The following DIP2C variants were observed in gnomAD, a reference collection of about 807,000 sequenced individuals.
DIP2C encodes the protein DIP2 acetate--CoA ligase C (putative).
DIP2C carries 33 observed loss-of-function variants against 192.4 expected under a neutral mutation model. The observed-to-expected ratio is 0.17, with a 90% CI of 0.13 to 0.23. The LOEUF is 0.23. DIP2C is among the 10% of genes least tolerant of loss of function. The pLI, the probability that DIP2C is intolerant of heterozygous loss-of-function variation, is 1.00. For synonymous variants in DIP2C, 979 were observed against 864.1 expected (o/e 1.13, Z -2.33); for missense variants, 1,537 against 2,110.1 (o/e 0.73, Z 5.32).
intron 1 of DIP2C, among the ~76,000 whole-genome samples, chr10:578,805 G>A (rs1054749644): frequency 2.8e-5 from 4 of 141,354 alleles, no homozygotes; most frequent in African/African-American, 6.3e-5. Flanking sequence ...ACTATAACAT[G>A]TGTGCATGCA....
chr10:409,309 T>C (rs1168246776), intron 8 of DIP2C, among the ~76,000 whole-genome samples: 1 of 141,154 alleles, frequency 7.1e-6, no homozygotes, highest in Admixed American at 7.2e-5. Flanking sequence ...GATGTGGGGG[T>C]GGCGAGGGGG....
chr10:409,454 G>A (rs754639864), intron 8 of DIP2C, among the ~76,000 whole-genome samples: 1 of 152,176 alleles, frequency 6.6e-6, no homozygotes, highest in Non-Finnish European at 1.5e-5. Context: ...AGTCCCTGGA[G>A]TCAAGAGGAG....
At chr10:518,771 A>G (rs1018374250) in intron 1 of DIP2C, among the ~76,000 whole-genome samples, 7 of 152,230 alleles carry the variant, frequency 4.6e-5, no homozygotes, top group African/African-American at 1.4e-4. Flanking sequence ...ACCGTCCTAC[A>G]GAGATGGCTA....
In DIP2C at chr10:527,785, A is replaced by G. The variant is rs939166169; in HGVS notation, c.86-41255T>C. 9.2e-5 allele frequency among the ~76,000 whole-genome samples: 14 copies of G among 152,226 alleles called. No homozygotes were observed. In the East Asian group the frequency reaches 2.3e-3, roughly 25 times the overall value. On this transcript the variant is annotated intron_variant, in intron 1 of 36. Coordinates refer to ENST00000280886, the MANE Select transcript of DIP2C (RefSeq NM_014974.3). Reference sequence around the variant, plus strand: ...CTCTCCTCTGTACAACAGAAAATCCATAAGAAAGTCAAATGTGAAAGAACC... The same window carrying G: ...CTCTCCTCTGTACAACAGAAAATCCGTAAGAAAGTCAAATGTGAAAGAACC...
At chr10:365,145 C>T (rs1482409995) in intron 19 of DIP2C, 1 of 406,330 alleles carries the variant, frequency 2.5e-6, no homozygotes, top group African/African-American at 2.1e-5. Flanking sequence ...TTGTATCCAG[C>T]TCAGTTTCGA....
chr10:594,524 G>A (rs1851588160), intron 1 of DIP2C, among the ~76,000 whole-genome samples: 1 of 152,136 alleles, frequency 6.6e-6, no homozygotes. Flanking sequence ...AAGGGAACAT[G>A]GCCGAGTACA....
intron 2 of DIP2C, among the ~76,000 whole-genome samples, chr10:479,458 C>T (rs61839503): frequency 0.14 from 20,838 of 151,532 alleles, 3,579 homozygotes; most frequent in African/African-American, 0.4. Context: ...CTCAGCGTCC[C>T]GAGGAGCTGG....
intron 1 of DIP2C, among the ~76,000 whole-genome samples, chr10:558,303 C>T (rs1016376665): frequency 6.6e-6 from 1 of 152,196 alleles, no homozygotes; most frequent in African/African-American, 2.4e-5. Context: ...TCTCCAAACC[C>T]ACCTCCCGCT....
intron 5 of DIP2C, among the ~76,000 whole-genome samples, chr10:422,329 T>C (rs79675638): frequency 5.3e-5 from 8 of 152,288 alleles, no homozygotes; most frequent in African/African-American, 1.7e-4. Context: ...TCAAACGTCA[T>C]AGGGCAGTGA....
intron 32 of DIP2C, among the ~76,000 whole-genome samples, chr10:309,688 A>G (rs2132318715): frequency 6.6e-6 from 1 of 151,884 alleles, no homozygotes; most frequent in South Asian, 2.1e-4. Context: ...CCTCCCAAAG[A>G]GCTGGGATGA....
intron 2 of DIP2C, among the ~76,000 whole-genome samples, chr10:485,938 T>A (rs973955781): frequency 1.3e-5 from 2 of 152,230 alleles, no homozygotes; most frequent in Admixed American, 6.5e-5. Context: ...GCAGGAAAGC[T>A]GCCAATCTGC....
intron 29 of DIP2C, among the ~76,000 whole-genome samples, chr10:334,344 G>A (rs1350475863): frequency 1.4e-5 from 2 of 147,294 alleles, no homozygotes; most frequent in Non-Finnish European, 3.0e-5. Flanking sequence ...TTATTACATA[G>A]GTGCTTAGAA....
At chr10:408,228 A>C (rs559440297) in intron 9 of DIP2C, among the ~76,000 whole-genome samples, 12 of 150,368 alleles carry the variant, frequency 8.0e-5, no homozygotes, top group Non-Finnish European at 1.3e-4. Context: ...GTATCTTGGC[A>C]CCTGTGGAAA....
intron 1 of DIP2C, chr10:662,827 G>A (rs1159358092): frequency 1.4e-6 from 1 of 717,200 alleles, no homozygotes; most frequent in Non-Finnish European, 2.6e-6. Context: ...GATGGCTGTG[G>A]TTGAGGAAAG....
At chr10:359,499 G>A (rs531679313) in intron 22 of DIP2C, among the ~76,000 whole-genome samples, 7 of 152,248 alleles carry the variant, frequency 4.6e-5, no homozygotes, top group African/African-American at 7.2e-5. Context: ...TCCTACACTC[G>A]GCAAATCATT....
chr10:476,948 C>T (rs1423756378), intron 2 of DIP2C, among the ~76,000 whole-genome samples: 1 of 150,700 alleles, frequency 6.6e-6, no homozygotes, highest in East Asian at 2.0e-4. Context: ...GTGGAGCTGG[C>T]CACAGGATGG....
At chr10:517,126 A>G (rs998462294) in intron 1 of DIP2C, among the ~76,000 whole-genome samples, 4 of 151,920 alleles carry the variant, frequency 2.6e-5, no homozygotes, top group African/African-American at 9.7e-5. Flanking sequence ...CCATCCCACC[A>G]GCCTGCATGG....
At chr10:567,224 T>C (rs1413830685) in intron 1 of DIP2C, among the ~76,000 whole-genome samples, 1 of 152,168 alleles carries the variant, frequency 6.6e-6, no homozygotes, top group Admixed American at 6.5e-5. Flanking sequence ...AATATCACTC[T>C]GTCGCCCAGA....
intron 1 of DIP2C, among the ~76,000 whole-genome samples, chr10:489,103 G>A (rs374162603): frequency 5.4e-4 from 82 of 152,288 alleles, no homozygotes; most frequent in African/African-American, 1.6e-3. Context: ...AAGCCGAAGC[G>A]CTGGATGCCA....
Sources: allele counts gnomAD v4.1 joint callset (sites outside exome capture counted in the v4.1 genomes callset), GRCh38; gene constraint gnomAD v4.1.1; transcripts MANE v1.5; gene names NCBI Gene and HGNC (gene_info 2026-07-23, HGNC 2026-07-21).